TMPRSS15: variants seen among roughly 807,000 people sequenced by gnomAD.
TMPRSS15 encodes transmembrane serine protease 15, also known as enteropeptidase.
Under a neutral mutation model 125.3 loss-of-function variants are expected in TMPRSS15, and 128 were observed. That is an observed-to-expected ratio of 1.02 (90% CI 0.89 to 1.18). The LOEUF is 1.18. Ranked by LOEUF, TMPRSS15 falls within the 50% of genes most tolerant of loss-of-function variation. The pLI, the probability that TMPRSS15 is intolerant of heterozygous loss-of-function variation, is 0.00. For synonymous variants in TMPRSS15, 446 were observed against 423.2 expected (o/e 1.05, Z -0.66); for missense variants, 1,283 against 1,212.7 (o/e 1.06, Z -0.86).
chr21:18,278,130 T>A (rs1038888721), intron 23 of TMPRSS15, among the ~76,000 whole-genome samples: 1 of 152,166 alleles, frequency 6.6e-6, no homozygotes, highest in African/African-American at 2.4e-5. Flanking sequence ...GAGATTCCAT[T>A]CTCATTTTAA....
chr21:18,479,225 G>A (rs1978935285), intron 1 of TMPRSS15, among the ~76,000 whole-genome samples: 1 of 150,340 alleles, frequency 6.7e-6, no homozygotes, highest in Non-Finnish European at 1.5e-5. Flanking sequence ...CTTAAAGTTG[G>A]AAGTTCCTAT....
intron 6 of TMPRSS15, among the ~76,000 whole-genome samples, chr21:18,366,280 C>G (rs529235570): frequency 1.3e-5 from 2 of 152,276 alleles, no homozygotes; most frequent in South Asian, 4.1e-4. Flanking sequence ...GTGGCCTATA[C>G]AGAATTCCAT....
At chr21:18,444,161 G>A (rs2076249755) in intron 1 of TMPRSS15, among the ~76,000 whole-genome samples, 3 of 152,156 alleles carry the variant, frequency 2.0e-5, no homozygotes, top group Admixed American at 2.0e-4. Flanking sequence ...AATTTGCCAA[G>A]GGTTGCAGCA....
rs375249344 is a variant in TMPRSS15, at chr21:18,403,518, T to C, written c.105A>G (p.Leu35=). The change falls in exon 1 of 25, where the codon TTA becomes TTG. Residue 35 remains leucine, a synonymous_variant. Transcript: ENST00000284885. Reference sequence around the variant, plus strand: ...TGATTGTCAGGCAGGATACTGCAATTAATCCAGCACAGAGCACTACCAATA... The same window carrying C: ...TGATTGTCAGGCAGGATACTGCAATCAATCCAGCACAGAGCACTACCAATA... ...FAILVVLCAG[L]IAVSCLTIKE... is the part of the protein sequence containing the mutation. The C allele has an allele frequency of 3.7e-6, 6 of 1,614,062 alleles. No individual in the cohort carries two copies. The highest frequency in any genetic ancestry group is 1.3e-5 in the African/African-American group (1 of 74,932).
chr21:18,270,244 C>A (rs2074539119), intron 24 of TMPRSS15, 120 bp from the exon 25 acceptor site: 2 of 855,580 alleles, frequency 2.3e-6, no homozygotes, highest in Non-Finnish European at 1.8e-6. Flanking sequence ...GATTTAATTG[C>A]AAGTCATCTG....
intron 1 of TMPRSS15, among the ~76,000 whole-genome samples, chr21:18,443,404 G>A (rs1415471141): frequency 6.6e-6 from 1 of 152,150 alleles, no homozygotes; most frequent in Non-Finnish European, 1.5e-5. Context: ...ACAGGAAACT[G>A]AATGAGTGAC....
intron 1 of TMPRSS15, among the ~76,000 whole-genome samples, chr21:18,427,489 T>C (rs1326895924): frequency 6.6e-6 from 1 of 152,228 alleles, no homozygotes; most frequent in Non-Finnish European, 1.5e-5. Context: ...TTTTGGTCTA[T>C]GCTTTGTGAA....
At chr21:18,472,515 A>G (rs1244975597) in intron 1 of TMPRSS15, among the ~76,000 whole-genome samples, 1 of 151,068 alleles carries the variant, frequency 6.6e-6, no homozygotes, top group Admixed American at 6.6e-5. Context: ...ATATATAATC[A>G]TTTAATTGGC....
In TMPRSS15 at chr21:18,383,750, G is replaced by A. The variant is rs771256244; in HGVS notation, c.373C>T (p.Leu125Phe). 5 of 1,613,570 alleles carry A rather than the reference G, an allele frequency of 3.1e-6. No individual in the cohort carries two copies. The highest frequency in any genetic ancestry group is 1.1e-5 in the South Asian group (1 of 91,016). The part of the protein sequence containing the change: ...ENGSIIVVFD[L>F]FFAQWVSDEN... ...TCTGACACCCACTGGGCAAAGAAAAGGTCAAATACGACTATAATGCTGCCA... is the reference window on the plus strand; with the variant it reads ...TCTGACACCCACTGGGCAAAGAAAAAGTCAAATACGACTATAATGCTGCCA... The change falls in exon 4 of 25, where the codon CTT (leucine) becomes TTT (phenylalanine). Residue 125 changes from leucine to phenylalanine, a missense_variant. By Grantham distance (22) the Leu-to-Phe change is conservative (BLOSUM62 0). Transcript: ENST00000284885.
intron 5 of TMPRSS15, among the ~76,000 whole-genome samples, chr21:18,374,412 G>T (rs1360366520): frequency 7.0e-6 from 1 of 142,814 alleles, no homozygotes; most frequent in Non-Finnish European, 1.5e-5. Context: ...AGCGGAGCTT[G>T]CAGTGAGCCG....
At chr21:18,355,486 T>A (rs2147012426) in intron 8 of TMPRSS15, among the ~76,000 whole-genome samples, 1 of 151,962 alleles carries the variant, frequency 6.6e-6, no homozygotes, top group Non-Finnish European at 1.5e-5. Flanking sequence ...TTTACAAAAC[T>A]TTCATAAGAT....
At chr21:18,315,041 T>C (rs1342987466) in intron 17 of TMPRSS15, 105 bp downstream of exon 17, 22 of 904,220 alleles carry the variant, frequency 2.4e-5, no homozygotes, top group Non-Finnish European at 3.4e-5. Context: ...TTCCAAAGCA[T>C]CAAAACAGGT....
At chr21:18,422,781 T>C (rs2123194376) in intron 1 of TMPRSS15, among the ~76,000 whole-genome samples, 1 of 152,334 alleles carries the variant, frequency 6.6e-6, no homozygotes, top group East Asian at 1.9e-4. Context: ...TTTAGCTGAA[T>C]TCTGATTTCA....
chr21:18,350,057 C>G lies in TMPRSS15; in HGVS notation c.1171+2846G>C, dbSNP rs370259299. Among the ~76,000 whole-genome samples the G allele has an allele frequency of 1.7e-3, 261 of 152,004 alleles. 6 individuals carry two copies. In the South Asian group the frequency reaches 0.052, roughly 31 times the overall value. ...TGCACTTTCCTCTAACTACTCTTGT[C>G]CAAGTGTGGTAGAAACTTTTTTTTA... On this transcript the variant is annotated intron_variant, in intron 10 of 24. Transcript: ENST00000284885.
At chr21:18,319,652 C>T (rs1438138469) in intron 16 of TMPRSS15, among the ~76,000 whole-genome samples, 1 of 152,148 alleles carries the variant, frequency 6.6e-6, no homozygotes, top group East Asian at 1.9e-4. Context: ...TGGTCTCAAA[C>T]TCCCGACCTC....
At chr21:18,345,317 C>A in intron 10 of TMPRSS15, among the ~76,000 whole-genome samples, 2 of 152,054 alleles carry the variant, frequency 1.3e-5, no homozygotes, top group Middle Eastern at 3.4e-3. Flanking sequence ...TATATGACTG[C>A]ATGGAGAAGA....
chr21:18,459,812 C>A (rs538822316), intron 1 of TMPRSS15, among the ~76,000 whole-genome samples: 3 of 152,054 alleles, frequency 2.0e-5, no homozygotes, highest in Non-Finnish European at 2.9e-5. Flanking sequence ...TACTTCTCTG[C>A]GAACATGATA....
intron 1 of TMPRSS15, among the ~76,000 whole-genome samples, chr21:18,432,410 G>A (rs1292101273): frequency 6.6e-6 from 1 of 152,124 alleles, no homozygotes; most frequent in East Asian, 1.9e-4. Context: ...ACATGTTGAA[G>A]TCCTAAATCT....
intron 1 of TMPRSS15, among the ~76,000 whole-genome samples, chr21:18,476,211 G>A (rs534651993): frequency 6.6e-6 from 1 of 152,106 alleles, no homozygotes; most frequent in Admixed American, 6.5e-5. Context: ...AGCTGACTTA[G>A]GGCTTTAGAA....
Sources: gnomAD v4.1 joint callset for allele counts (sites outside exome capture counted in the v4.1 genomes callset) on GRCh38, gnomAD v4.1.1 for gene constraint, MANE v1.5 for transcripts, NCBI Gene and HGNC (gene_info 2026-07-23, HGNC 2026-07-21) for gene names.